The following KLHL25 variants were observed in gnomAD, a reference collection of about 807,000 sequenced individuals.
KLHL25 encodes the protein kelch like family member 25.
KLHL25 carries 41 observed loss-of-function variants against 30.0 expected under a neutral mutation model. The observed-to-expected ratio is 1.37, with a 90% CI of 1.07 to 1.78. KLHL25 has a LOEUF of 1.78. Ranked by LOEUF, KLHL25 falls within the 40% of genes most tolerant of loss-of-function variation. The probability of loss-of-function intolerance (pLI) is 0.00; values close to 1 mark genes in which losing one functional copy is unlikely to be tolerated. For synonymous variants in KLHL25, 399 were observed against 355.3 expected (o/e 1.12, Z -1.38); for missense variants, 971 against 824.5 (o/e 1.18, Z -2.18).
chr15:85,770,425 T>A, intron 1 of KLHL25: 1 of 506,906 alleles, frequency 2.0e-6, no homozygotes, highest in South Asian at 1.5e-5. Context: ...ACTTCCCTGC[T>A]CCCAGCAGGC....
chr15:85,766,284 G>C (rs570445520), intron 2 of KLHL25, among the ~76,000 whole-genome samples: 4 of 152,322 alleles, frequency 2.6e-5, no homozygotes, highest in Admixed American at 1.3e-4. Context: ...TCCTGTGCTG[G>C]AGGCAGAGTG....
Position 85,768,084 on chromosome 15 carries a change from ATAAG to A in KLHL25, c.1723_1726del (p.Leu575SerfsTer120), listed in dbSNP as rs761708207. Reference sequence around the variant, plus strand: ...CCAGGTGCTGACAAAGGCCGTGGGGATAAGTGAGTAGGGCACTGTGGTGATGCAG... The same window carrying A: ...CCAGGTGCTGACAAAGGCCGTGGGGATGAGTAGGGCACTGTGGTGATGCAG... On this transcript the variant is annotated frameshift_variant, in exon 2 of 3. Coordinates refer to ENST00000337975, the MANE Select transcript of KLHL25 (RefSeq NM_022480.4). LOFTEE classifies it low-confidence loss of function (END_TRUNC). 2 of 1,613,978 alleles carry A rather than the reference ATAAG, an allele frequency of 1.2e-6. No individual in the cohort carries two copies. Among genetic ancestry groups the A allele is most frequent in the South Asian group, 1.1e-5 (1 of 91,072 alleles).
At chr15:85,779,679 A>G (rs1384119226) in intron 1 of KLHL25, among the ~76,000 whole-genome samples, 1 of 152,168 alleles carries the variant, frequency 6.6e-6, no homozygotes, top group Non-Finnish European at 1.5e-5. Flanking sequence ...CAGAGTTGCC[A>G]TTTTCCTATT....
intron 2 of KLHL25, 72 bp downstream of exon 2, chr15:85,767,945 G>T (rs1161912627): frequency 2.0e-6 from 2 of 984,066 alleles, no homozygotes; most frequent in African/African-American, 1.6e-5. Context: ...TTCACCCAGT[G>T]GGAAGAGGTG....
At chr15:85,763,030 C>CA (rs1555469121) in intron 2 of KLHL25, 4 of 152,434 alleles carry the variant, frequency 2.6e-5, no homozygotes, top group East Asian at 1.9e-4. Context: ...GCAGCCCCCC[C>CA]ATGCTGGAGG....
chr15:85,775,479 G>A (rs1039385178), intron 1 of KLHL25, among the ~76,000 whole-genome samples: 3 of 152,200 alleles, frequency 2.0e-5, no homozygotes, highest in Admixed American at 6.5e-5. Context: ...TGGGTGCATC[G>A]GAGTCAGGAT....
rs1186914401 is a variant in KLHL25, at chr15:85,760,909, G to A, written c.*127C>T. The A allele has an allele frequency of 1.3e-5, 2 of 152,364 alleles. No homozygotes were observed. Among genetic ancestry groups the A allele is most frequent in the African/African-American group, 2.4e-5 (1 of 41,486 alleles). The allele number at this position is 152,364 out of a possible 1,614,324, so 9.4% of individuals were successfully genotyped here. A position where few individuals can be genotyped will look rare whatever the true frequency, so the allele number is the denominator to read the frequency against. ...CAGCCCAAGGCTGCTGCTCCCCAGA[G>A]CTGGCAGGGCCCCTTCCACCTCTCG... On this transcript the variant is annotated 3_prime_UTR_variant, in exon 3 of 3. Transcript: ENST00000337975.
Position 85,768,044 on chromosome 15 carries a change from C to G in KLHL25, c.1767G>C (p.Ala589=). 2 of 1,608,764 alleles carry G rather than the reference C, an allele frequency of 1.2e-6. No individual in the cohort carries two copies. Among genetic ancestry groups the G allele is most frequent in the Non-Finnish European group, 1.7e-6 (2 of 1,176,042 alleles). ...AFVSTWKHLP[A] ...GGCTGGGCTCAGCAGGTGCTCCTCA[C>G]GCGGGCAGGTGCTTCCAGGTGCTGA... Residue 589 remains alanine (A), a synonymous_variant, in exon 2 of 3, where the codon GCG becomes GCC. Coordinates refer to ENST00000337975, the MANE Select transcript of KLHL25 (RefSeq NM_022480.4).
rs1190890308 is a variant in KLHL25 at position 85,769,164 on chromosome 15, T to C, written c.647A>G (p.Gln216Arg). ...TGGCTCCAGGTCGTGCTTCACCCAC[T>C]GGAGGATGGCCTCGAAGACCACCCG... The part of the protein sequence containing the change: ...DERVVFEAIL[Q>R]WVKHDLEPRK... Residue 216 changes from glutamine to arginine, a missense_variant, in exon 2 of 3, where the codon CAG (glutamine) becomes CGG (arginine). Transcript: ENST00000337975. 1.2e-6 allele frequency: 2 copies of C among 1,613,174 alleles called. No homozygotes were observed. Among genetic ancestry groups the C allele is most frequent in the Admixed American group, 3.3e-5 (2 of 60,024 alleles).
intron 1 of KLHL25, among the ~76,000 whole-genome samples, chr15:85,791,137 G>T (rs1401261648): frequency 6.7e-6 from 1 of 148,418 alleles, no homozygotes; most frequent in Non-Finnish European, 1.5e-5. Flanking sequence ...GGAGATTGCA[G>T]TGAGCTGAGA....
chr15:85,785,013 C>T (rs2089771496), intron 1 of KLHL25, among the ~76,000 whole-genome samples: 3 of 152,030 alleles, frequency 2.0e-5, no homozygotes. Context: ...CCAAAAGGAG[C>T]AGAAGACAAC....
chr15:85,774,045 C>T (rs1567240371), intron 1 of KLHL25, among the ~76,000 whole-genome samples: 2 of 152,174 alleles, frequency 1.3e-5, no homozygotes, highest in Non-Finnish European at 2.9e-5. Context: ...GTGACATACC[C>T]AGCCTCATAG....
Position 85,769,011 on chromosome 15 carries a change from T to C in KLHL25, c.800A>G (p.Asp267Gly). Reference sequence around the variant, plus strand: ...CCTGGTCTTGCAGCGCAGGGCCTCATCCATGATAAGCTTGGTGCGCTCGTC... The same window carrying C: ...CCTGGTCTTGCAGCGCAGGGCCTCACCCATGATAAGCTTGGTGCGCTCGTC... ...MADERTKLIM[D>G]EALRCKTRIL... Residue 267 changes from aspartate to glycine, a missense_variant, in exon 2 of 3, where the codon GAT becomes GGT. Asp to Gly is a moderately conservative substitution (Grantham distance 94, BLOSUM62 -1). Coordinates refer to ENST00000337975, the MANE Select transcript of KLHL25 (RefSeq NM_022480.4). 12 of 1,611,430 alleles carry C rather than the reference T, an allele frequency of 7.4e-6. No homozygotes were observed. The highest frequency in any genetic ancestry group is 1.0e-5 in the Non-Finnish European group (12 of 1,179,502).
At chr15:85,776,380 T>C (rs937626817) in intron 1 of KLHL25, among the ~76,000 whole-genome samples, 1 of 151,408 alleles carries the variant, frequency 6.6e-6, no homozygotes, top group Non-Finnish European at 1.5e-5. Flanking sequence ...TCCCAGCTAC[T>C]TGGGAGGCTG....
intron 1 of KLHL25, among the ~76,000 whole-genome samples, chr15:85,772,888 C>T (rs1162439511): frequency 6.6e-6 from 1 of 152,256 alleles, no homozygotes; most frequent in Non-Finnish European, 1.5e-5. Flanking sequence ...AGGTTCCCAC[C>T]CCCTAGACAG....
chr15:85,766,243 C>A (rs1449956915), intron 2 of KLHL25, among the ~76,000 whole-genome samples: 7 of 152,224 alleles, frequency 4.6e-5, no homozygotes, highest in Non-Finnish European at 4.4e-5. Context: ...TGGGCTCCCT[C>A]CGGCAGGACA....
intron 2 of KLHL25, chr15:85,762,580 C>T (rs1383930199): frequency 6.6e-6 from 1 of 152,428 alleles, no homozygotes; most frequent in Admixed American, 6.5e-5. Flanking sequence ...CCGCCCTGCA[C>T]TTCCTGTGTG....
intron 1 of KLHL25, among the ~76,000 whole-genome samples, chr15:85,794,387 G>A (rs964286460): frequency 2.0e-5 from 3 of 152,224 alleles, no homozygotes; most frequent in Admixed American, 1.3e-4. Context: ...CGTCCTCAAA[G>A]ACAAGCAGTC....
chr15:85,784,597 G>A (rs959309898), intron 1 of KLHL25, among the ~76,000 whole-genome samples: 8 of 152,120 alleles, frequency 5.3e-5, no homozygotes, highest in Non-Finnish European at 1.0e-4. Context: ...TAAAAGAGTC[G>A]GAGATTCAAA....
Sources: gnomAD v4.1 joint callset for allele counts (sites outside exome capture counted in the v4.1 genomes callset) on GRCh38, gnomAD v4.1.1 for gene constraint, MANE v1.5 for transcripts, NCBI Gene and HGNC (gene_info 2026-07-23, HGNC 2026-07-21) for gene names.